Variants in WWOX observed in about 807,000 individuals in gnomAD.
WWOX encodes WW domain containing oxidoreductase, also known as WW domain-containing oxidoreductase.
Under a neutral mutation model 46.2 loss-of-function variants are expected in WWOX, and 69 were observed. That is an observed-to-expected ratio of 1.49 (90% confidence interval 1.23 to 1.82). The LOEUF is 1.82. Ranked by LOEUF, WWOX falls within the 40% of genes most tolerant of loss-of-function variation. The pLI is 0.00. For missense variants in WWOX, 919 were observed against 542.6 expected, an observed-to-expected ratio of 1.69 and a Z score of -6.89; for synonymous variants, 359 against 202.6, an observed-to-expected ratio of 1.77 and a Z score of -6.56.
intron 8 of WWOX, among the ~76,000 whole-genome samples, chr16:78,490,315 T>A (rs201371921): frequency 6.6e-6 from 1 of 151,290 alleles, no homozygotes; most frequent in Non-Finnish European, 1.5e-5. Flanking sequence ...ACTCAGCGTT[T>A]AGTAACTTTC....
intron 8 of WWOX, among the ~76,000 whole-genome samples, chr16:78,996,743 G>C (rs1002143589): frequency 2.0e-5 from 3 of 152,136 alleles, no homozygotes; most frequent in African/African-American, 4.8e-5. Context: ...AGGTTGCTCT[G>C]CAATTCTCCC....
chr16:78,426,464 T>C (rs1204228391), intron 7 of WWOX, among the ~76,000 whole-genome samples: 2 of 152,306 alleles, frequency 1.3e-5, no homozygotes, highest in African/African-American at 4.8e-5. Flanking sequence ...AACTACGGTG[T>C]AATTCATGCC....
intron 8 of WWOX, among the ~76,000 whole-genome samples, chr16:78,754,929 G>A (rs1202682074): frequency 6.6e-6 from 1 of 151,558 alleles, no homozygotes; most frequent in African/African-American, 2.4e-5. Context: ...TGTCCCCAGG[G>A]AAGAGAATGC....
At chr16:78,385,616 A>G (rs1175973114) in intron 5 of WWOX, among the ~76,000 whole-genome samples, 6 of 152,142 alleles carry the variant, frequency 3.9e-5, no homozygotes, top group African/African-American at 1.4e-4. Context: ...AGCTGCAATT[A>G]CGCTGAACGT....
intron 4 of WWOX, among the ~76,000 whole-genome samples, chr16:78,157,737 A>C (rs1485822865): frequency 6.6e-6 from 1 of 152,206 alleles, no homozygotes; most frequent in African/African-American, 2.4e-5. Flanking sequence ...GTGGAGCCCG[A>C]GGTTGATTTC....
intron 4 of WWOX, among the ~76,000 whole-genome samples, chr16:78,131,691 C>A (rs771831826): frequency 6.6e-6 from 1 of 151,964 alleles, no homozygotes; most frequent in Non-Finnish European, 1.5e-5. Context: ...AAGCGATTCT[C>A]CTGCCTCAGC....
chr16:78,768,930 G>C (rs891267596), intron 8 of WWOX, among the ~76,000 whole-genome samples: 1 of 152,046 alleles, frequency 6.6e-6, no homozygotes. Flanking sequence ...TAGGGGAGGA[G>C]GACGGTTTCC....
At chr16:79,043,249 A>G (rs1368584918) in intron 8 of WWOX, among the ~76,000 whole-genome samples, 3 of 152,178 alleles carry the variant, frequency 2.0e-5, no homozygotes, top group Non-Finnish European at 4.4e-5. Flanking sequence ...GTGCCAGGAA[A>G]CTTTACAATG....
chr16:78,709,847 G>C (rs893902444), intron 8 of WWOX, among the ~76,000 whole-genome samples: 1 of 151,696 alleles, frequency 6.6e-6, no homozygotes, highest in African/African-American at 2.4e-5. Context: ...TCCTGCCTGA[G>C]CCTCCCGAGT....
At chr16:78,648,514 C>G (rs1057204750) in intron 8 of WWOX, among the ~76,000 whole-genome samples, 1 of 152,156 alleles carries the variant, frequency 6.6e-6, no homozygotes, top group Non-Finnish European at 1.5e-5. Context: ...CACAGAATGC[C>G]GACCCACAAG....
intron 8 of WWOX, among the ~76,000 whole-genome samples, chr16:78,937,641 A>G (rs181803920): frequency 2.0e-5 from 3 of 149,042 alleles, no homozygotes; most frequent in Non-Finnish European, 4.5e-5. Flanking sequence ...TTATTTATTT[A>G]TGAGACAAGG....
intron 8 of WWOX, among the ~76,000 whole-genome samples, chr16:78,957,773 G>T (rs2046197632): frequency 6.6e-6 from 1 of 152,196 alleles, no homozygotes; most frequent in African/African-American, 2.4e-5. Context: ...CTTAACAAAA[G>T]AATTAGGACT....
In WWOX at chr16:78,250,504, A is replaced by G. The variant is rs186749092; in HGVS notation, c.516+86215A>G. 3.9e-5 allele frequency among the ~76,000 whole-genome samples: 6 copies of G among 152,212 alleles called. No individual in the cohort carries two copies. In the East Asian group the frequency reaches 1.2e-3, roughly 29 times the overall value. On this transcript the variant is annotated intron_variant, in intron 5 of 8. Coordinates refer to ENST00000566780, the MANE Select transcript of WWOX (RefSeq NM_016373.4). ...AACAGATAGAAACTATTGGTATTGT[A>G]AGGACTGCTTATTGGGTACATATGC...
chr16:78,250,517 T>C (rs9938415), intron 5 of WWOX, among the ~76,000 whole-genome samples: 2,630 of 152,256 alleles, frequency 0.017, 67 homozygotes, highest in African/African-American at 0.056. Context: ...GACTGCTTAT[T>C]GGGTACATAT....
intron 8 of WWOX, among the ~76,000 whole-genome samples, chr16:78,877,575 G>A (rs1377700539): frequency 6.6e-6 from 1 of 152,160 alleles, no homozygotes; most frequent in Admixed American, 6.5e-5. Context: ...TGTATTCCTT[G>A]TGGCACTTAT....
chr16:78,661,299 C>A (rs568550659), intron 8 of WWOX, among the ~76,000 whole-genome samples: 1 of 152,272 alleles, frequency 6.6e-6, no homozygotes, highest in East Asian at 1.9e-4. Flanking sequence ...CACAAGTCAG[C>A]AATCAGCACG....
chr16:78,296,370 T>C (rs1384203203), intron 5 of WWOX, among the ~76,000 whole-genome samples: 2 of 152,098 alleles, frequency 1.3e-5, no homozygotes, highest in Non-Finnish European at 2.9e-5. Context: ...CCTTTTTGCA[T>C]GGATCATTTG....
At chr16:79,020,658 GATA>G (rs908370049) in intron 8 of WWOX, among the ~76,000 whole-genome samples, 1 of 152,160 alleles carries the variant, frequency 6.6e-6, no homozygotes, top group African/African-American at 2.4e-5. Context: ...AGGCCAATGT[GATA>G]ATAAAATCAA....
intron 8 of WWOX, among the ~76,000 whole-genome samples, chr16:78,864,211 A>C (rs1323646231): frequency 6.6e-6 from 1 of 152,110 alleles, no homozygotes; most frequent in Non-Finnish European, 1.5e-5. Flanking sequence ...TTATTTTATA[A>C]ATTTTTGATG....
Sources: allele counts gnomAD v4.1 joint callset (sites outside exome capture counted in the v4.1 genomes callset), GRCh38; gene constraint gnomAD v4.1.1; transcripts MANE v1.5; gene names NCBI Gene and HGNC (gene_info 2026-07-23, HGNC 2026-07-21).